The following RBM33 variants were observed in gnomAD, a reference collection of about 807,000 sequenced individuals.
The protein encoded by RBM33 is RNA-binding protein 33.
RBM33 carries 28 observed loss-of-function variants against 132.6 expected under a neutral mutation model. The ratio of observed to expected loss-of-function variants is 0.21; its 90% CI spans 0.16 to 0.29. The LOEUF is 0.29. Ranked by LOEUF, RBM33 falls within the 10% of genes least tolerant of loss-of-function variation. The pLI is 1.00. For synonymous variants in RBM33, 634 were observed against 593.0 expected (o/e 1.07, Z -1.01); for missense variants, 1,291 against 1,518.5 (o/e 0.85, Z 2.49).
At chr7:155,686,605 A>G (rs373310125) in intron 5 of RBM33, among the ~76,000 whole-genome samples, 2 of 151,842 alleles carry the variant, frequency 1.3e-5, no homozygotes, top group African/African-American at 4.8e-5. Flanking sequence ...CATTAGGTAT[A>G]TCTCCTAATG....
intron 11 of RBM33, chr7:155,739,154 C>T (rs3735578): frequency 1.3e-5 from 2 of 151,982 alleles, no homozygotes; most frequent in Non-Finnish European, 2.9e-5. Flanking sequence ...GCAATTAATA[C>T]ATCCCCATTG....
chr7:155,685,114 T>A, intron 5 of RBM33: 1 of 1,498,684 alleles, frequency 6.7e-7, no homozygotes, highest in Non-Finnish European at 9.0e-7. Context: ...AGACTTAAAA[T>A]GAGCATCTTT....
At chr7:155,673,389 CTA>C (rs1798998725) in intron 3 of RBM33, among the ~76,000 whole-genome samples, 1 of 139,224 alleles carries the variant, frequency 7.2e-6, no homozygotes, top group Non-Finnish European at 1.5e-5. Context: ...ATTTGTATAT[CTA>C]TTTATATATA....
At chr7:155,648,386 G>A (rs1798260221) in intron 1 of RBM33, among the ~76,000 whole-genome samples, 1 of 152,160 alleles carries the variant, frequency 6.6e-6, no homozygotes, top group Admixed American at 6.5e-5. Context: ...AAGTAGACTC[G>A]AATTCAGGTT....
At chr7:155,677,153 C>G (rs1435410206) in intron 3 of RBM33, among the ~76,000 whole-genome samples, 1 of 151,934 alleles carries the variant, frequency 6.6e-6, no homozygotes, top group African/African-American at 2.4e-5. Context: ...TCCTTTCAGT[C>G]TCAGAACTGG....
intron 2 of RBM33, among the ~76,000 whole-genome samples, 186 bp downstream of exon 2, chr7:155,665,439 A>G (rs895886234): frequency 2.0e-5 from 3 of 152,148 alleles, no homozygotes; most frequent in Non-Finnish European, 4.4e-5. Context: ...CTCCTGTTCC[A>G]GGCCTGTGTT....
chr7:155,763,537 GACA>G (rs1258730353), intron 14 of RBM33, among the ~76,000 whole-genome samples: 2 of 152,184 alleles, frequency 1.3e-5, no homozygotes, highest in Admixed American at 6.5e-5. Context: ...CACGGAATTC[GACA>G]ACATTTATTT....
intron 1 of RBM33, among the ~76,000 whole-genome samples, chr7:155,660,393 C>G (rs1798608385): frequency 6.6e-6 from 1 of 152,196 alleles, no homozygotes; most frequent in South Asian, 2.1e-4. Flanking sequence ...AAATCACATT[C>G]ACAGGTGGCA....
chr7:155,690,387 G>A (rs1304513593), intron 5 of RBM33, among the ~76,000 whole-genome samples: 1 of 152,086 alleles, frequency 6.6e-6, no homozygotes, highest in East Asian at 1.9e-4. Context: ...TGGGTTTCCT[G>A]AATATAGCAC....
chr7:155,724,764 A>C (rs575929078), intron 9 of RBM33, among the ~76,000 whole-genome samples: 7 of 152,146 alleles, frequency 4.6e-5, no homozygotes, highest in Non-Finnish European at 8.8e-5. Context: ...TGTAAATGGA[A>C]TCATAGAGCT....
intron 5 of RBM33, among the ~76,000 whole-genome samples, chr7:155,686,530 G>C (rs1320590151): frequency 6.7e-6 from 1 of 150,326 alleles, no homozygotes; most frequent in Non-Finnish European, 1.5e-5. Context: ...TGCATAACGT[G>C]CGGGTTTGTT....
intron 16 of RBM33, among the ~76,000 whole-genome samples, chr7:155,773,568 C>CAGAAAAAAAAAAAAA (rs1802504388): frequency 2.0e-5 from 1 of 50,458 alleles, no homozygotes; most frequent in African/African-American, 8.4e-5. Flanking sequence ...ACTCCATCTC[C>CAGAAAAAAAAAAAAA]AAAAAAAAAA....
Position 155,758,491 on chromosome 7 carries a change from T to A in RBM33, c.2980-5321T>A, listed in dbSNP as rs151120624. Among the ~76,000 whole-genome samples the A allele has an allele frequency of 3.3e-5, 5 of 152,178 alleles. No homozygotes were observed. The South Asian group carries it at 8.3e-4, about 25-fold the overall frequency. ...GTTCACAGTAGGATTCATGCTCCCG[T>A]GAGAATGCCGCTGCTGATCCGACAG... On this transcript the variant is annotated intron_variant, in intron 14 of 17. Coordinates refer to ENST00000401878, the MANE Select transcript of RBM33 (RefSeq NM_053043.3).
intron 9 of RBM33, among the ~76,000 whole-genome samples, chr7:155,728,700 G>C (rs893895622): frequency 7.2e-5 from 11 of 152,112 alleles, no homozygotes; most frequent in Non-Finnish European, 1.5e-4. Context: ...AACACACGTA[G>C]ACTTGCACAA....
At chr7:155,720,083 G>A (rs1800575623) in intron 9 of RBM33, among the ~76,000 whole-genome samples, 1 of 152,156 alleles carries the variant, frequency 6.6e-6, no homozygotes, top group Non-Finnish European at 1.5e-5. Flanking sequence ...CTCTAAGCAT[G>A]GTAAATATGT....
At chr7:155,768,767 C>A (rs1193659623) in intron 16 of RBM33, among the ~76,000 whole-genome samples, 1 of 152,190 alleles carries the variant, frequency 6.6e-6, no homozygotes, top group Admixed American at 6.5e-5. Flanking sequence ...CAGACGCGTG[C>A]CACGCCTGGC....
At chr7:155,751,693 A>G (rs1801689995) in intron 14 of RBM33, among the ~76,000 whole-genome samples, 1 of 152,212 alleles carries the variant, frequency 6.6e-6, no homozygotes, top group Admixed American at 6.5e-5. Flanking sequence ...GGTTTGTCCA[A>G]TATTGACAAG....
chr7:155,684,337 T>C (rs962212255), intron 5 of RBM33, among the ~76,000 whole-genome samples: 22 of 152,188 alleles, frequency 1.4e-4, no homozygotes, highest in Admixed American at 3.3e-4. Flanking sequence ...AGCCCTTTTT[T>C]CTTCTCTGCA....
intron 3 of RBM33, among the ~76,000 whole-genome samples, chr7:155,673,946 T>TTTTTTTG (rs1563138350): frequency 2.3e-4 from 6 of 25,762 alleles, no homozygotes; most frequent in African/African-American, 9.5e-4. Context: ...CTTAGTTTTT[T>TTTTTTTG]TTTTTTTTTT....
Sources: allele counts gnomAD v4.1 joint callset (sites outside exome capture counted in the v4.1 genomes callset), GRCh38; gene constraint gnomAD v4.1.1; transcripts MANE v1.5; gene names NCBI Gene and HGNC (gene_info 2026-07-23, HGNC 2026-07-21).